Variants in HPSE2 observed in about 807,000 individuals in gnomAD.
HPSE2 encodes inactive heparanase-2.
Under a neutral mutation model 60.5 loss-of-function variants are expected in HPSE2, and 38 were observed. The ratio of observed to expected loss-of-function variants is 0.63; its 90% CI spans 0.48 to 0.82. The LOEUF (loss-of-function observed/expected upper bound fraction) is 0.82, where lower values mean the gene tolerates loss of function less well. Among genes scored for constraint, HPSE2 ranks in the 40% least tolerant of loss-of-function variants. The pLI, the probability that HPSE2 is intolerant of heterozygous loss-of-function variation, is 0.00. For synonymous variants in HPSE2, 295 were observed against 293.2 expected, an observed-to-expected ratio of 1.01 and a Z score of -0.06; for missense variants, 713 against 740.4, an observed-to-expected ratio of 0.96 and a Z score of 0.43.
intron 5 of HPSE2, among the ~76,000 whole-genome samples, chr10:98,705,768 C>T (rs4288690): frequency 0.71 from 108,189 of 151,586 alleles, 40,612 homozygotes; most frequent in South Asian, 0.95. Flanking sequence ...GGTGGGGGAG[C>T]GAGGAGAGGG....
chr10:98,878,227 T>C (rs139810197), intron 3 of HPSE2, among the ~76,000 whole-genome samples: 1 of 152,150 alleles, frequency 6.6e-6, no homozygotes, highest in East Asian at 1.9e-4. Flanking sequence ...TCCTAAGTTA[T>C]AGCCAATGTA....
chr10:98,701,765 T>A (rs1161228700), intron 5 of HPSE2, among the ~76,000 whole-genome samples: 1 of 151,940 alleles, frequency 6.6e-6, no homozygotes, highest in African/African-American at 2.4e-5. Context: ...TGCTGAGGGA[T>A]TTTGTCACCA....
chr10:99,150,570 C>G (rs1273372942), intron 2 of HPSE2, among the ~76,000 whole-genome samples: 2 of 152,228 alleles, frequency 1.3e-5, no homozygotes, highest in Non-Finnish European at 2.9e-5. Flanking sequence ...ATCCTCCCGC[C>G]TCAGCCTCCC....
rs373252593 is a variant in HPSE2 at position 98,743,981 on chromosome 10, C to G, written c.686G>C (p.Arg229Pro). 4 of 1,614,082 alleles carry G rather than the reference C, an allele frequency of 2.5e-6. No homozygotes were observed. The highest frequency in any genetic ancestry group is 3.4e-6 in the Non-Finnish European group (4 of 1,179,972). The change falls in exon 4 of 12, where the codon CGT becomes CCT. Residue 229 changes from arginine (R) to proline (P), a missense_variant. By Grantham distance (103) the Arg-to-Pro change is moderately radical (BLOSUM62 -2). Transcript: ENST00000370552. ...GTTCCAGGAGTTATTGGGATTACGA[C>G]GCAGTGCATTTAGAGCAAATATCAG... ...LHLIFALNAL[R>P]RNPNNSWNSS...
chr10:98,696,478 G>C (rs750099435), intron 5 of HPSE2, among the ~76,000 whole-genome samples: 1 of 152,140 alleles, frequency 6.6e-6, no homozygotes, highest in Non-Finnish European at 1.5e-5. Flanking sequence ...CCGATCCTCA[G>C]TCAGGAAAGG....
At chr10:98,480,086 C>T (rs1355095780) in intron 11 of HPSE2, among the ~76,000 whole-genome samples, 1 of 138,260 alleles carries the variant, frequency 7.2e-6, no homozygotes, top group South Asian at 2.2e-4. Flanking sequence ...CCTTGTCCCT[C>T]TCCTACATTT....
At chr10:98,633,015 C>T (rs1589540827) in intron 7 of HPSE2, among the ~76,000 whole-genome samples, 1 of 152,086 alleles carries the variant, frequency 6.6e-6, no homozygotes, top group East Asian at 1.9e-4. Context: ...TGCCCTTCTA[C>T]CTCCCCCACC....
intron 11 of HPSE2, among the ~76,000 whole-genome samples, chr10:98,468,231 T>G (rs982000209): frequency 6.6e-6 from 1 of 152,106 alleles, no homozygotes; most frequent in African/African-American, 2.4e-5. Flanking sequence ...AACAGGAAGT[T>G]CGTCTGAAAT....
At chr10:99,196,945 C>T (rs1848419525) in intron 2 of HPSE2, among the ~76,000 whole-genome samples, 2 of 152,102 alleles carry the variant, frequency 1.3e-5, no homozygotes, top group South Asian at 4.1e-4. Context: ...GCACTGTTTA[C>T]AACAGCTAAG....
intron 9 of HPSE2, among the ~76,000 whole-genome samples, chr10:98,510,045 G>A (rs1942337897): frequency 6.6e-6 from 1 of 151,886 alleles, no homozygotes; most frequent in African/African-American, 2.4e-5. Context: ...CATACTAAAA[G>A]AAAAAAGAAT....
chr10:98,810,055 A>G (rs192725570), intron 3 of HPSE2, among the ~76,000 whole-genome samples: 114 of 152,278 alleles, frequency 7.5e-4, no homozygotes, highest in Middle Eastern at 3.4e-3. Flanking sequence ...TTGTCCAAAG[A>G]TACTCCTACC....
intron 5 of HPSE2, among the ~76,000 whole-genome samples, chr10:98,716,052 A>C (rs1468034586): frequency 6.6e-6 from 1 of 152,020 alleles, no homozygotes; most frequent in African/African-American, 2.4e-5. Flanking sequence ...TAATATTCTA[A>C]ATCCTTTTGT....
intron 7 of HPSE2, among the ~76,000 whole-genome samples, chr10:98,625,086 C>T (rs1265001822): frequency 6.6e-6 from 1 of 152,252 alleles, no homozygotes; most frequent in African/African-American, 2.4e-5. Context: ...AGAGTAAGTG[C>T]TTCACAGGAG....
At chr10:99,277,668 TTGTG>T in the HPSE2 span, among the ~76,000 whole-genome samples, 1 of 152,216 alleles carries the variant, frequency 6.6e-6, no homozygotes, top group East Asian at 1.9e-4. Flanking sequence ...CATTTAGCGT[TTGTG>T]TATCATGGTG....
At chr10:98,512,663 T>A (rs2133748278) in intron 9 of HPSE2, among the ~76,000 whole-genome samples, 1 of 152,198 alleles carries the variant, frequency 6.6e-6, no homozygotes, top group South Asian at 2.1e-4. Flanking sequence ...TAATATGAAT[T>A]GTCTCCTTAC....
chr10:98,626,169 C>G (rs1286497821), intron 7 of HPSE2, among the ~76,000 whole-genome samples: 1 of 151,052 alleles, frequency 6.6e-6, no homozygotes, highest in Non-Finnish European at 1.5e-5. Context: ...AAATTACTTA[C>G]CCAATTTTTG....
intron 6 of HPSE2, among the ~76,000 whole-genome samples, chr10:98,655,920 A>G (rs1428439133): frequency 6.6e-6 from 1 of 152,192 alleles, no homozygotes; most frequent in African/African-American, 2.4e-5. Context: ...AAATGATACC[A>G]TAGGGTGTCC....
intron 9 of HPSE2, among the ~76,000 whole-genome samples, chr10:98,540,463 T>C (rs1405369315): frequency 1.3e-5 from 2 of 152,200 alleles, no homozygotes; most frequent in African/African-American, 4.8e-5. Flanking sequence ...CCAAATGCAA[T>C]TATAGGTCAT....
chr10:99,154,094 A>G (rs1354998400), intron 2 of HPSE2, among the ~76,000 whole-genome samples: 7 of 148,702 alleles, frequency 4.7e-5, no homozygotes, highest in Non-Finnish European at 7.5e-5. Flanking sequence ...AAGAAATATG[A>G]GACTATGTGA....
Sources: gnomAD v4.1 joint callset for allele counts (sites outside exome capture counted in the v4.1 genomes callset) on GRCh38, gnomAD v4.1.1 for gene constraint, MANE v1.5 for transcripts, NCBI Gene and HGNC (gene_info 2026-07-23, HGNC 2026-07-21) for gene names.